RIMBP2: variants seen among roughly 807,000 people sequenced by gnomAD.
RIMBP2 encodes the protein RIMS binding protein 2.
Under a neutral mutation model 118.6 loss-of-function variants are expected in RIMBP2, and 48 were observed. That is an observed-to-expected ratio of 0.40 (90% CI 0.32 to 0.51). RIMBP2 has a LOEUF of 0.51. Among genes scored for constraint, RIMBP2 ranks in the 20% least tolerant of loss-of-function variants. The probability of loss-of-function intolerance (pLI) is 0.41; values close to 1 mark genes in which losing one functional copy is unlikely to be tolerated. For missense variants in RIMBP2, 1,551 were observed against 1,768.3 expected, an observed-to-expected ratio of 0.88 and a Z score of 2.20; for synonymous variants, 762 against 742.9, an observed-to-expected ratio of 1.03 and a Z score of -0.42.
chr12:130,516,234 C>T (rs896074922), intron 3 of RIMBP2, among the ~76,000 whole-genome samples: 3 of 152,152 alleles, frequency 2.0e-5, no homozygotes, highest in African/African-American at 7.2e-5. Flanking sequence ...CAAATCAAGA[C>T]AACTCTAATT....
At chr12:130,700,669 C>T (rs976787756) in intron 1 of RIMBP2, among the ~76,000 whole-genome samples, 3 of 152,246 alleles carry the variant, frequency 2.0e-5, no homozygotes, top group Non-Finnish European at 2.9e-5. Flanking sequence ...GAGCACAGCC[C>T]TGCCAGCGCC....
chr12:130,544,443 C>T (rs912428921), intron 2 of RIMBP2, among the ~76,000 whole-genome samples: 14 of 152,212 alleles, frequency 9.2e-5, no homozygotes, highest in Admixed American at 4.6e-4. Flanking sequence ...GCAAGACTGC[C>T]GTAGAGAAGA....
chr12:130,424,041 G>C lies in RIMBP2; in HGVS notation c.3129+101C>G, dbSNP rs755834782. The C allele has an allele frequency of 6.9e-6, 4 of 578,900 alleles. No homozygotes were observed. Among genetic ancestry groups the C allele is most frequent in the Admixed American group, 8.7e-5 (2 of 22,920 alleles). The allele number at this position is 578,900 out of a possible 1,614,324, so 35.9% of individuals were successfully genotyped here. ...GGAAAACGAAAGACAGCCAGCAAGAGAGTCCCCAGGGATGGACACCAGAAC... is the reference window on the plus strand; with the variant it reads ...GGAAAACGAAAGACAGCCAGCAAGACAGTCCCCAGGGATGGACACCAGAAC... On this transcript the variant is annotated intron_variant, in intron 16 of 22. Coordinates refer to ENST00000690449, the MANE Select transcript of RIMBP2 (RefSeq NM_001393629.1). The surrounding 1 kb of genome is among the most constrained non-coding windows in gnomAD (Gnocchi z 9.8).
chr12:130,487,605 G>GT (rs764134919), intron 4 of RIMBP2, among the ~76,000 whole-genome samples: 1 of 152,172 alleles, frequency 6.6e-6, no homozygotes, highest in Non-Finnish European at 1.5e-5. Context: ...AAAATACCCA[G>GT]TCTCAGGTAT....
intron 2 of RIMBP2, among the ~76,000 whole-genome samples, chr12:130,568,133 G>A (rs933818012): frequency 1.2e-4 from 18 of 152,164 alleles, no homozygotes; most frequent in African/African-American, 3.9e-4. Context: ...CAACAGAAAC[G>A]GCCTTTGGCA....
intron 14 of RIMBP2, among the ~76,000 whole-genome samples, chr12:130,433,238 C>T (rs922553600): frequency 2.6e-5 from 4 of 152,192 alleles, no homozygotes; most frequent in East Asian, 1.9e-4. Flanking sequence ...GGCTTTGAGT[C>T]GTGGGGTTTA....
intron 2 of RIMBP2, among the ~76,000 whole-genome samples, chr12:130,532,917 G>T (rs34037137): frequency 3.6e-5 from 5 of 137,562 alleles, no homozygotes; most frequent in South Asian, 2.3e-4. Context: ...AATGAGATGC[G>T]TGTGTTTAGC....
At position 130,581,592 on chromosome 12, in the gene RIMBP2, G is replaced by A. The variant is rs949829529; in HGVS notation, c.-217+46730C>T. On this transcript the variant is annotated intron_variant, in intron 2 of 22. Coordinates refer to ENST00000690449, the MANE Select transcript of RIMBP2 (RefSeq NM_001393629.1). The surrounding 1 kb of genome is among the most constrained non-coding windows in gnomAD (Gnocchi z 4.4). ...GTAGGTGGCAATTCCAGGCTCTCGC[G>A]GCTCAGGCCTCAGACCTGTCGCCTT... Among the ~76,000 whole-genome samples, 5 of 152,182 alleles carry A rather than the reference G, an allele frequency of 3.3e-5. No homozygotes were observed. The highest frequency in any genetic ancestry group is 2.1e-4 in the South Asian group (1 of 4,828).
At chr12:130,605,652 TAGAC>T (rs1192248174) in intron 2 of RIMBP2, among the ~76,000 whole-genome samples, 12 of 152,296 alleles carry the variant, frequency 7.9e-5, no homozygotes, top group Admixed American at 2.6e-4. Flanking sequence ...TAGATGATGA[TAGAC>T]AGGCAGACAG....
intron 2 of RIMBP2, among the ~76,000 whole-genome samples, chr12:130,557,615 C>T (rs1286853591): frequency 1.3e-5 from 2 of 152,124 alleles, no homozygotes; most frequent in African/African-American, 2.4e-5. Context: ...AACTCTTGAC[C>T]CAGAGAAACC....
At chr12:130,428,154 G>A in intron 15 of RIMBP2, 25 bp downstream of exon 15, 1 of 1,563,692 alleles carries the variant, frequency 6.4e-7, no homozygotes, top group South Asian at 1.2e-5. Context: ...ACGGAGTGCA[G>A]GGTCCCCCTT....
At chr12:130,661,129 C>T (rs1185221561) in intron 1 of RIMBP2, among the ~76,000 whole-genome samples, 4 of 152,160 alleles carry the variant, frequency 2.6e-5, no homozygotes, top group Non-Finnish European at 5.9e-5. Context: ...GGACAGCTGC[C>T]ATTCGCAGTC....
At chr12:130,542,314 G>T (rs1040714450) in intron 2 of RIMBP2, among the ~76,000 whole-genome samples, 1 of 152,186 alleles carries the variant, frequency 6.6e-6, no homozygotes, top group Non-Finnish European at 1.5e-5. Context: ...AGGGAAGATA[G>T]ATGGGTGAGA....
chr12:130,641,098 C>T (rs1029288514), intron 1 of RIMBP2, among the ~76,000 whole-genome samples: 7 of 152,188 alleles, frequency 4.6e-5, no homozygotes, highest in African/African-American at 1.4e-4. Context: ...GATTCTAACA[C>T]GTGCCTTGGA....
intron 21 of RIMBP2, among the ~76,000 whole-genome samples, chr12:130,404,222 C>G (rs12305517): frequency 0.08 from 12,118 of 152,134 alleles, 691 homozygotes; most frequent in South Asian, 0.2. Flanking sequence ...ACACACTTTT[C>G]CAACATGTTT....
At chr12:130,473,560 C>T (rs539081164) in intron 5 of RIMBP2, among the ~76,000 whole-genome samples, 5 of 152,174 alleles carry the variant, frequency 3.3e-5, no homozygotes, top group Admixed American at 1.3e-4. Context: ...GACGGGACAA[C>T]GGGCATTGGC....
intron 1 of RIMBP2, among the ~76,000 whole-genome samples, chr12:130,690,408 C>A (rs753433077): frequency 6.6e-6 from 1 of 152,206 alleles, no homozygotes; most frequent in Non-Finnish European, 1.5e-5. Context: ...GAGGCTCTAA[C>A]AGCTTGAACA....
chr12:130,407,245 C>T (rs1004815595), intron 20 of RIMBP2, among the ~76,000 whole-genome samples: 17 of 152,200 alleles, frequency 1.1e-4, no homozygotes, highest in Non-Finnish European at 1.6e-4. Context: ...GGAGACCCCA[C>T]CTCTCATTTC....
At chr12:130,580,888 C>T (rs1319778783) in intron 2 of RIMBP2, among the ~76,000 whole-genome samples, 2 of 151,554 alleles carry the variant, frequency 1.3e-5, no homozygotes, top group South Asian at 2.1e-4. Context: ...TGCAGTGAGC[C>T]GAGAAACAGC....
Sources: allele counts gnomAD v4.1 joint callset (sites outside exome capture counted in the v4.1 genomes callset), GRCh38; gene constraint gnomAD v4.1.1; non-coding constraint Gnocchi (gnomAD v3.1); transcripts MANE v1.5; gene names NCBI Gene and HGNC (gene_info 2026-07-23, HGNC 2026-07-21).